The following ALDH3A1 variants were observed in gnomAD, a reference collection of about 807,000 sequenced individuals.
The protein encoded by ALDH3A1 is aldehyde dehydrogenase 3 family member A1, also known as aldehyde dehydrogenase, dimeric NADP-preferring.
In ALDH3A1, 46 loss-of-function variants were observed where a neutral mutation model predicts 49.9. The observed-to-expected ratio is 0.92, with a 90% CI of 0.73 to 1.18. ALDH3A1 has a LOEUF of 1.18. ALDH3A1 is among the 50% of genes most tolerant of loss of function. The pLI is 0.00. For synonymous variants in ALDH3A1, 269 were observed against 253.3 expected (o/e 1.06, Z -0.59); for missense variants, 592 against 611.8 (o/e 0.97, Z 0.34).
intron 4 of ALDH3A1, 50 bp downstream of exon 4, chr17:19,742,495 T>C (rs547051379): frequency 5.7e-6 from 9 of 1,577,420 alleles, no homozygotes; most frequent in Non-Finnish European, 7.8e-6. Flanking sequence ...GACCTGGCCC[T>C]AGCTCAGTTA....
intron 9 of ALDH3A1, 59 bp downstream of exon 9, chr17:19,738,937 G>T: frequency 6.7e-7 from 1 of 1,492,634 alleles, no homozygotes. Flanking sequence ...GAATTTGCTG[G>T]GTGAGTGTGC....
At position 19,743,645 on chromosome 17, in the gene ALDH3A1, C is replaced by A. The variant is rs188443874; in HGVS notation, c.163-182G>T. The A allele has an allele frequency of 1.3e-5, 18 of 1,408,038 alleles. No individual in the cohort carries two copies. The South Asian group carries it at 2.9e-4, about 22-fold the overall frequency. The allele number at this position is 1,408,038 out of a possible 1,614,324, so 87.2% of individuals were successfully genotyped here. ...AGGATTAGCCGTTGGACCTGTGGGT[C>A]TGAGAGGACCCCTTTCTGCCAGAGG... On this transcript the variant is annotated intron_variant, in intron 2 of 10. Transcript: ENST00000225740. This position sits in a 1 kb window ranked among gnomAD's most constrained non-coding sequence, Gnocchi z 4.4.
In ALDH3A1 at chr17:19,742,992, C is replaced by G. The variant is rs1302940679; in HGVS notation, c.394+240G>C. The G allele has an allele frequency of 1.0e-5, 16 of 1,530,486 alleles. 1 individual carries two copies. In the East Asian group the frequency reaches 2.2e-4, roughly 21 times the overall value. The allele number at this position is 1,530,486 out of a possible 1,614,324, so 94.8% of individuals were successfully genotyped here. On this transcript the variant is annotated intron_variant, in intron 3 of 10. Coordinates refer to ENST00000225740, the MANE Select transcript of ALDH3A1 (RefSeq NM_000691.5). The stretch of plus-strand genomic sequence containing the variant: ...TTAGGTGACAGAAGCTCCAGCCCCC[C>G]AACAGGGGTGGGGGAAGGCAGGCCC...
At chr17:19,738,868 T>C in intron 9 of ALDH3A1, 128 bp downstream of exon 9, 1 of 779,886 alleles carries the variant, frequency 1.3e-6, no homozygotes, top group Non-Finnish European at 2.1e-6. Flanking sequence ...GAGGCCAAGG[T>C]CCAAATGGAA....
At chr17:19,744,764 A>C (rs1220482766) in intron 2 of ALDH3A1, 2 of 1,365,552 alleles carry the variant, frequency 1.5e-6, no homozygotes, top group Non-Finnish European at 9.4e-7. Flanking sequence ...GGCCAGGAGG[A>C]AAAGGCCAGA....
intron 2 of ALDH3A1, 73 bp downstream of exon 2, chr17:19,744,895 T>TGCCCCCCCCCCCCCCCCC: frequency 3.2e-6 from 3 of 924,172 alleles, no homozygotes; most frequent in Non-Finnish European, 4.2e-6. Flanking sequence ...GGTCGCACTC[T>TGCCCCCCCCCCCCCCCCC]CCCCAGCCCC....
At chr17:19,744,485 G>A in intron 2 of ALDH3A1, 1 of 985,438 alleles carries the variant, frequency 1.0e-6, no homozygotes, top group Non-Finnish European at 1.2e-6. Flanking sequence ...CGGAGCGCTG[G>A]ACCCCAGGCA....
chr17:19,741,057 C>G, intron 6 of ALDH3A1, 36 bp downstream of exon 6: 1 of 1,539,990 alleles, frequency 6.5e-7, no homozygotes, highest in Non-Finnish European at 9.0e-7. Flanking sequence ...TGCCTTACAG[C>G]CTCTCATCCC....
At position 19,741,395 on chromosome 17, in the gene ALDH3A1, T is replaced by C; in HGVS notation, c.690-185A>G. 5.5e-6 allele frequency: 3 copies of C among 541,946 alleles called. 1 individual carries two copies. In the South Asian group the frequency reaches 6.8e-5, roughly 12 times the overall value. The allele number at this position is 541,946 out of a possible 1,614,324, so 33.6% of individuals were successfully genotyped here. A position where few individuals can be genotyped will look rare whatever the true frequency, so the allele number is the denominator to read the frequency against. ...AGCAGACCCAATGGCCCTGATCATG[T>C]TCACCGGCGACTGGTGGGGAATTTC... On this transcript the variant is annotated intron_variant, in intron 5 of 10. Transcript: ENST00000225740.
At position 19,738,452 on chromosome 17, in the gene ALDH3A1, C is replaced by G. The variant is rs752015753; in HGVS notation, c.1218G>C (p.Gly406=). The G allele has an allele frequency of 9.9e-6, 16 of 1,610,724 alleles. No homozygotes were observed. In the East Asian group the frequency reaches 3.1e-4, roughly 31 times the overall value. ...CATGGTAGGATCCCATGCCGCTGTTCCCTGCGGAGGAGAAGTAAGCACAGG... is the reference window on the plus strand; with the variant it reads ...CATGGTAGGATCCCATGCCGCTGTTGCCTGCGGAGGAGAAGTAAGCACAGG... ...TLHSLPFGGV[G]NSGMGSYHGK... Residue 406 remains glycine (G), a splice_region_variant and synonymous_variant, in exon 10 of 11, where the codon GGG becomes GGC. Coordinates refer to ENST00000225740, the MANE Select transcript of ALDH3A1 (RefSeq NM_000691.5).
At chr17:19,745,172 C>A in intron 1 of ALDH3A1, 38 bp from the exon 2 acceptor site, 1 of 1,525,730 alleles carries the variant, frequency 6.6e-7, no homozygotes, top group Non-Finnish European at 8.8e-7. Flanking sequence ...CTGAGGGGCA[C>A]GAGCGCGCCC....
chr17:19,738,670 G>A, intron 9 of ALDH3A1: 1 of 675,986 alleles, frequency 1.5e-6, no homozygotes, highest in Non-Finnish European at 2.5e-6. Flanking sequence ...AATGTCTAGG[G>A]TGTCCCCAGG....
intron 8 of ALDH3A1, 35 bp from the exon 9 acceptor site, chr17:19,739,130 T>C (rs1164959655): frequency 1.9e-6 from 3 of 1,589,348 alleles, no homozygotes; most frequent in South Asian, 2.3e-5. Flanking sequence ...CTCAGTCTCC[T>C]GCCCACAGGA....
chr17:19,739,645 G>T lies in ALDH3A1; in HGVS notation c.979C>A (p.Gln327Lys). ...APTILTDVDP[Q>K]SPVMQEEIFG... is the part of the protein sequence containing the mutation. ...ATCTCCTCTTGCATCACCGGGGACTGGGGGTCCACGTCCGTGAGGATGGTG... is the reference window on the plus strand; with the variant it reads ...ATCTCCTCTTGCATCACCGGGGACTTGGGGTCCACGTCCGTGAGGATGGTG... The change falls in exon 8 of 11, where the codon CAG (glutamine) becomes AAG (lysine). Residue 327 changes from glutamine (Q) to lysine (K), a missense_variant. Transcript: ENST00000225740. 6.2e-7 allele frequency: 1 copy of T among 1,613,736 alleles called. No individual in the cohort carries two copies. Among genetic ancestry groups the T allele is most frequent in the South Asian group, 1.1e-5 (1 of 90,992 alleles).
rs980893840 is a variant in ALDH3A1 at position 19,745,268 on chromosome 17, C to T, written c.-5-134G>A. On this transcript the variant is annotated intron_variant, in intron 1 of 10. Coordinates refer to ENST00000225740, the MANE Select transcript of ALDH3A1 (RefSeq NM_000691.5). ...AATGGCCTTTCCGCTGGAAGGTCCACTTTCTGCCTCGCCTCCTCTCCCGCC... is the reference window on the plus strand; with the variant it reads ...AATGGCCTTTCCGCTGGAAGGTCCATTTTCTGCCTCGCCTCCTCTCCCGCC... 8 of 964,388 alleles carry T rather than the reference C, an allele frequency of 8.3e-6. No individual in the cohort carries two copies. In the African/African-American group the frequency reaches 1.4e-4, roughly 17 times the overall value. The allele number at this position is 964,388 out of a possible 1,614,324, so 59.7% of individuals were successfully genotyped here.
chr17:19,742,135 G>T lies in ALDH3A1; in HGVS notation c.558C>A (p.Tyr186Ter), dbSNP rs2086506067. Residue 186 changes from tyrosine (Y) to a stop codon, truncating the protein, a stop_gained, in exon 5 of 11, where the codon TAC becomes TAA. Coordinates refer to ENST00000225740, the MANE Select transcript of ALDH3A1 (RefSeq NM_000691.5). LOFTEE classifies it high-confidence loss of function. ...TCTTCCCCACCCCCGTGCTGCCCGT[G>T]TACAGGATATGGTCGAACCTCTCCT... The part of the protein sequence containing the change: ...LLKERFDHIL[Y>*]TGSTGVGKII... The T allele has an allele frequency of 3.1e-6, 5 of 1,613,992 alleles. No homozygotes were observed. The East Asian group carries it at 1.1e-4, about 36-fold the overall frequency.
intron 2 of ALDH3A1, chr17:19,744,694 A>T: frequency 7.5e-7 from 1 of 1,330,280 alleles, no homozygotes; most frequent in Non-Finnish European, 9.6e-7. Context: ...CCAGAAGTTC[A>T]GGGTGTCGGG....
intron 2 of ALDH3A1, 73 bp downstream of exon 2, chr17:19,744,895 T>TAC: frequency 5.4e-6 from 5 of 924,174 alleles, no homozygotes; most frequent in Non-Finnish European, 7.1e-6. Flanking sequence ...GGTCGCACTC[T>TAC]CCCCAGCCCC....
chr17:19,745,205 C>G (rs1470150244), intron 1 of ALDH3A1, 71 bp from the exon 2 acceptor site: 2 of 1,447,500 alleles, frequency 1.4e-6, no homozygotes, highest in African/African-American at 2.9e-5. Flanking sequence ...TGCCTGAATT[C>G]TATAGGAAGG....
Sources: allele counts gnomAD v4.1 joint callset, GRCh38; gene constraint gnomAD v4.1.1; non-coding constraint Gnocchi (gnomAD v3.1); transcripts MANE v1.5; gene names NCBI Gene and HGNC (gene_info 2026-07-23, HGNC 2026-07-21).